Variants in RBFOX1 observed in about 807,000 individuals in gnomAD.
RBFOX1 encodes RNA binding fox-1 homolog 1.
In RBFOX1, 8 loss-of-function variants were observed where a neutral mutation model predicts 57.7. That is an observed-to-expected ratio of 0.14 (90% CI 0.08 to 0.25). RBFOX1 has a LOEUF of 0.25. Among genes scored for constraint, RBFOX1 ranks in the 10% least tolerant of loss-of-function variants. RBFOX1 has a pLI of 1.00. For synonymous variants in RBFOX1, 326 were observed against 222.4 expected (o/e 1.47, Z -4.15); for missense variants, 611 against 548.5 (o/e 1.11, Z -1.14).
chr16:6,626,943 C>G (rs1174639133), intron 2 of RBFOX1, among the ~76,000 whole-genome samples: 2 of 152,090 alleles, frequency 1.3e-5, no homozygotes, highest in African/African-American at 4.8e-5. Flanking sequence ...TTATGATAGC[C>G]TAAATACAAA....
intron 3 of RBFOX1, among the ~76,000 whole-genome samples, chr16:7,033,456 G>T (rs8059671): frequency 0.087 from 13,234 of 152,178 alleles, 933 homozygotes; most frequent in East Asian, 0.32. Flanking sequence ...GGAGGCGGAG[G>T]TTGCAGTGAG....
chr16:6,909,741 T>G (rs1265937785), intron 3 of RBFOX1, among the ~76,000 whole-genome samples: 4 of 152,186 alleles, frequency 2.6e-5, no homozygotes, highest in Non-Finnish European at 4.4e-5. Context: ...GTTGTTGGTT[T>G]CACTTTTTTT....
At chr16:7,349,286 G>A (rs145305571) in intron 4 of RBFOX1, among the ~76,000 whole-genome samples, 12 of 152,136 alleles carry the variant, frequency 7.9e-5, no homozygotes, top group Non-Finnish European at 1.8e-4. Flanking sequence ...TGCCTTGTCA[G>A]CTCTCATCAC....
chr16:7,368,363 C>G (rs9930799), intron 4 of RBFOX1, among the ~76,000 whole-genome samples: 57,167 of 151,660 alleles, frequency 0.38, 12,146 homozygotes, highest in African/African-American at 0.59. Flanking sequence ...TGTTTATCTT[C>G]AAAAGTGCCA....
At chr16:6,402,967 C>T (rs1304187427) in intron 2 of RBFOX1, among the ~76,000 whole-genome samples, 1 of 152,090 alleles carries the variant, frequency 6.6e-6, no homozygotes, top group Non-Finnish European at 1.5e-5. Context: ...CATTTTAAAA[C>T]CTTCAACCCT....
intron 1 of RBFOX1, among the ~76,000 whole-genome samples, chr16:6,218,200 C>G (rs1299644044): frequency 6.6e-6 from 1 of 152,096 alleles, no homozygotes; most frequent in Non-Finnish European, 1.5e-5. Context: ...AAATGCCTGC[C>G]CATTCTCCTT....
chr16:6,724,654 A>G (rs1237184034), intron 3 of RBFOX1, among the ~76,000 whole-genome samples: 1 of 152,210 alleles, frequency 6.6e-6, no homozygotes, highest in Non-Finnish European at 1.5e-5. Flanking sequence ...TTGTTATAGC[A>G]GCCCGAATAG....
chr16:5,476,480 A>G (rs540449983), intron 2 of RBFOX1, among the ~76,000 whole-genome samples: 1 of 152,266 alleles, frequency 6.6e-6, no homozygotes, highest in South Asian at 2.1e-4. Flanking sequence ...CCGTGAGCTC[A>G]TTACTCATTC....
chr16:7,226,236 T>A (rs1165300655), intron 4 of RBFOX1, among the ~76,000 whole-genome samples: 2 of 152,188 alleles, frequency 1.3e-5, no homozygotes, highest in African/African-American at 4.8e-5. Context: ...GAAGCATGGA[T>A]ATTCTGATCA....
At chr16:5,886,076 C>T (rs2057892283) in intron 4 of RBFOX1, among the ~76,000 whole-genome samples, 1 of 152,184 alleles carries the variant, frequency 6.6e-6, no homozygotes, top group Non-Finnish European at 1.5e-5. Flanking sequence ...TCAAAATGTG[C>T]CTCCTCCCCT....
intron 4 of RBFOX1, among the ~76,000 whole-genome samples, chr16:7,239,569 A>C (rs9930139): frequency 0.6 from 91,304 of 152,064 alleles, 28,035 homozygotes; most frequent in African/African-American, 0.71. Flanking sequence ...TCCTGTCAAG[A>C]CCATTTGCAT....
intron 2 of RBFOX1, among the ~76,000 whole-genome samples, chr16:6,554,749 CACACACACAG>C (rs948040581): frequency 3.3e-5 from 5 of 149,600 alleles, no homozygotes; most frequent in African/African-American, 1.0e-4. Flanking sequence ...CACACACACA[CACACACACAG>C]ACACACACAC....
In RBFOX1 at chr16:5,749,869, C is replaced by G. The variant is rs141209610; in HGVS notation, c.319-117434C>G. On this transcript the variant is annotated intron_variant, in intron 3 of 19. Transcript: ENST00000641259. The stretch of plus-strand genomic sequence containing the variant: ...CTGAAGCCTTCTTCTCTCAACTCGT[C>G]GAAGTCATTCTCCGTCTAGCTTTTT... 7.0e-3 allele frequency among the ~76,000 whole-genome samples: 1,070 copies of G among 152,284 alleles called. 19 individuals carry two copies. The highest frequency in any genetic ancestry group is 0.025 in the African/African-American group (1,030 of 41,550).
chr16:6,057,571 GA>G, intron 1 of RBFOX1, among the ~76,000 whole-genome samples: 1 of 150,112 alleles, frequency 6.7e-6, no homozygotes, highest in East Asian at 1.9e-4. Flanking sequence ...GACCAAAAGG[GA>G]AAAAGAAAAA....
intron 4 of RBFOX1, among the ~76,000 whole-genome samples, chr16:7,364,984 G>A (rs1468253429): frequency 6.6e-6 from 1 of 152,128 alleles, no homozygotes; most frequent in Non-Finnish European, 1.5e-5. Context: ...ATGATCAGAT[G>A]ATTCTTTTGG....
At position 5,915,622 on chromosome 16, in the gene RBFOX1, A is replaced by G. The variant is rs182118558; in HGVS notation, c.351+48287A>G. ...CAAGGTGGGCAGATCACCTGAGGTCAGGAGTTTGAGACCAGCCTGGCCAAT... is the reference window on the plus strand; with the variant it reads ...CAAGGTGGGCAGATCACCTGAGGTCGGGAGTTTGAGACCAGCCTGGCCAAT... On this transcript the variant is annotated intron_variant, in intron 4 of 19. Transcript: ENST00000641259. 2.6e-4 allele frequency among the ~76,000 whole-genome samples: 40 copies of G among 152,280 alleles called. 1 individual carries two copies. Among genetic ancestry groups the G allele is most frequent in the African/African-American group, 9.4e-4 (39 of 41,556 alleles).
At chr16:7,431,616 T>C (rs1415492995) in intron 4 of RBFOX1, among the ~76,000 whole-genome samples, 1 of 152,226 alleles carries the variant, frequency 6.6e-6, no homozygotes. Context: ...ATCGGTGATA[T>C]TTAATGCAAC....
At chr16:7,133,518 T>C (rs568596092) in intron 4 of RBFOX1, among the ~76,000 whole-genome samples, 1 of 152,202 alleles carries the variant, frequency 6.6e-6, no homozygotes, top group Non-Finnish European at 1.5e-5. Flanking sequence ...CAACAGAGAA[T>C]CAATGACAAG....
chr16:6,013,325 A>G (rs954211404), intron 4 of RBFOX1, among the ~76,000 whole-genome samples: 22 of 152,210 alleles, frequency 1.4e-4, no homozygotes, highest in African/African-American at 5.1e-4. Flanking sequence ...GAAATTAAGA[A>G]TTTTTACTTG....
Sources: allele counts gnomAD v4.1 joint callset (sites outside exome capture counted in the v4.1 genomes callset), GRCh38; gene constraint gnomAD v4.1.1; transcripts MANE v1.5; gene names NCBI Gene and HGNC (gene_info 2026-07-23, HGNC 2026-07-21).